KIAA0825: variants seen among roughly 807,000 people sequenced by gnomAD.
The protein encoded by KIAA0825 is KIAA0825, also known as uncharacterized protein KIAA0825.
Under a neutral mutation model 147.6 loss-of-function variants are expected in KIAA0825, and 119 were observed. The observed-to-expected ratio is 0.81, with a 90% confidence interval of 0.69 to 0.94. The LOEUF is 0.94. Among genes scored for constraint, KIAA0825 ranks in the 40% least tolerant of loss-of-function variants. The pLI is 0.00. For missense variants in KIAA0825, 1,381 were observed against 1,472.7 expected (o/e 0.94, Z 1.02); for synonymous variants, 470 against 518.1 (o/e 0.91, Z 1.26).
At chr5:94,594,851 A>T in intron 1 of KIAA0825, 1 of 347,176 alleles carries the variant, frequency 2.9e-6, no homozygotes, top group South Asian at 2.7e-5. Context: ...ATTTTAATTA[A>T]GTGGCCTGAC....
intron 2 of KIAA0825, among the ~76,000 whole-genome samples, chr5:94,555,150 ATAT>A (rs1460669996): frequency 6.6e-6 from 1 of 152,124 alleles, no homozygotes; most frequent in Admixed American, 6.6e-5. Flanking sequence ...CTTACTTGTA[ATAT>A]TTTAGGGTTG....
At chr5:94,176,185 C>T (rs1203224947) in intron 20 of KIAA0825, among the ~76,000 whole-genome samples, 1 of 152,038 alleles carries the variant, frequency 6.6e-6, no homozygotes, top group Non-Finnish European at 1.5e-5. Flanking sequence ...TGAGTTCTCA[C>T]TCTCATTAGA....
chr5:94,401,606 C>T (rs1259941211), intron 16 of KIAA0825, among the ~76,000 whole-genome samples: 1 of 152,118 alleles, frequency 6.6e-6, no homozygotes, highest in African/African-American at 2.4e-5. Context: ...ATACTGTCCT[C>T]AACACACACT....
chr5:94,356,212 A>AT (rs1784232371), intron 20 of KIAA0825, among the ~76,000 whole-genome samples: 1 of 152,186 alleles, frequency 6.6e-6, no homozygotes, highest in East Asian at 1.9e-4. Flanking sequence ...TATATAAATC[A>AT]TTTGGTCTTA....
intron 20 of KIAA0825, among the ~76,000 whole-genome samples, chr5:94,192,046 A>G (rs941743563): frequency 8.5e-5 from 13 of 152,238 alleles, no homozygotes; most frequent in Admixed American, 2.6e-4. Flanking sequence ...AAAGAATAAG[A>G]TTTGCAGCTT....
chr5:94,586,778 A>G lies in KIAA0825; in HGVS notation c.-152-4195T>C, dbSNP rs533027386. The stretch of plus-strand genomic sequence containing the variant: ...AGACCAATATCCCTGATGAACATCA[A>G]TGCAAAAATCCTCAATAAAAAACTG... On this transcript the variant is annotated intron_variant, in intron 1 of 20. Transcript: ENST00000682413. Among the ~76,000 whole-genome samples the G allele has an allele frequency of 5.7e-4, 87 of 152,366 alleles. 1 individual carries two copies. Among genetic ancestry groups the G allele is most frequent in the African/African-American group, 1.7e-3 (71 of 41,588 alleles).
At chr5:94,159,086 T>C (rs149838507) in intron 20 of KIAA0825, among the ~76,000 whole-genome samples, 125 of 152,308 alleles carry the variant, frequency 8.2e-4, no homozygotes, top group African/African-American at 2.9e-3. Context: ...GACTCTGTGG[T>C]TCTCTTGTCC....
Position 94,396,515 on chromosome 5 carries a change from G to A in KIAA0825, c.2888-6C>T. On this transcript the variant is annotated splice_region_variant and splice_polypyrimidine_tract_variant and intron_variant, in intron 16 of 20. Coordinates refer to ENST00000682413, the MANE Select transcript of KIAA0825 (RefSeq NM_001145678.3). ...AGCAGTAAGCCTTGTGAAGCCTGGG[G>A]AAGAAAAGAAAAGGTATGATTAATA... The A allele has an allele frequency of 6.8e-7, 1 of 1,469,500 alleles. No individual in the cohort carries two copies. The highest frequency in any genetic ancestry group is 9.0e-7 in the Non-Finnish European group (1 of 1,111,728). 91.0% of individuals were successfully genotyped at this position (1,469,500 alleles called of 1,614,324 possible).
chr5:94,389,833 G>T (rs1433459123), intron 18 of KIAA0825, among the ~76,000 whole-genome samples: 3 of 152,150 alleles, frequency 2.0e-5, no homozygotes, highest in Non-Finnish European at 4.4e-5. Flanking sequence ...CAAGGCAAAG[G>T]TACCTTTCTT....
At chr5:94,440,512 A>G (rs1215804436) in intron 13 of KIAA0825, among the ~76,000 whole-genome samples, 1 of 152,180 alleles carries the variant, frequency 6.6e-6, no homozygotes. Flanking sequence ...ATTGATTGAA[A>G]GAAGTTCTGA....
At chr5:94,474,814 A>G (rs1174235187) in intron 7 of KIAA0825, among the ~76,000 whole-genome samples, 13 of 152,182 alleles carry the variant, frequency 8.5e-5, no homozygotes, top group Non-Finnish European at 1.9e-4. Context: ...CATAAAATTC[A>G]TCAAAAATCA....
rs150467612 is a variant in KIAA0825 at position 94,389,357 on chromosome 5, C to A, written c.3456+2178G>T. Among the ~76,000 whole-genome samples the A allele has an allele frequency of 2.6e-5, 4 of 152,330 alleles. No individual in the cohort carries two copies. In the East Asian group the frequency reaches 7.7e-4, roughly 29 times the overall value. On this transcript the variant is annotated intron_variant, in intron 18 of 20. Coordinates refer to ENST00000682413, the MANE Select transcript of KIAA0825 (RefSeq NM_001145678.3). ...CCTGTATGTAAGCTCCCAGTAAAAC[C>A]CCATGTCTTGTGGGCCAGCTCTGGG...
chr5:94,557,084 G>A (rs568443245), intron 2 of KIAA0825, among the ~76,000 whole-genome samples: 2 of 151,996 alleles, frequency 1.3e-5, no homozygotes. Context: ...TTGGGTAGCT[G>A]GCCAGATCAC....
intron 20 of KIAA0825, among the ~76,000 whole-genome samples, chr5:94,377,432 A>G (rs9314108): frequency 0.011 from 1,740 of 152,338 alleles, 30 homozygotes; most frequent in African/African-American, 0.039. Context: ...AAAGAAAACA[A>G]TATCAAAATG....
At chr5:94,338,948 TTAAA>T (rs1274954831) in intron 20 of KIAA0825, among the ~76,000 whole-genome samples, 2 of 152,178 alleles carry the variant, frequency 1.3e-5, no homozygotes, top group Admixed American at 6.5e-5. Flanking sequence ...TAACAGATTA[TTAAA>T]TAAATAAATA....
chr5:94,155,213 CTTT>C (rs67704311), intron 20 of KIAA0825, among the ~76,000 whole-genome samples: 1 of 119,044 alleles, frequency 8.4e-6, no homozygotes, highest in African/African-American at 3.1e-5. Flanking sequence ...TATTTTCTTT[CTTT>C]TTTTTTTTTT....
chr5:94,299,317 A>G (rs1356036061), intron 20 of KIAA0825, among the ~76,000 whole-genome samples: 4 of 152,016 alleles, frequency 2.6e-5, no homozygotes, highest in African/African-American at 9.7e-5. Flanking sequence ...CCTGGGCTCA[A>G]GCAATCCTTC....
intron 20 of KIAA0825, among the ~76,000 whole-genome samples, chr5:94,227,681 A>G (rs544735362): frequency 6.6e-6 from 1 of 152,216 alleles, no homozygotes; most frequent in Non-Finnish European, 1.5e-5. Context: ...AGGGACATGG[A>G]TGAAGCTGGA....
chr5:94,178,002 T>C (rs1769263211), intron 20 of KIAA0825, among the ~76,000 whole-genome samples: 1 of 152,110 alleles, frequency 6.6e-6, no homozygotes, highest in Non-Finnish European at 1.5e-5. Flanking sequence ...AAGTCTTCCA[T>C]ATTTCAATAA....
Sources: gnomAD v4.1 joint callset for allele counts (sites outside exome capture counted in the v4.1 genomes callset) on GRCh38, gnomAD v4.1.1 for gene constraint, MANE v1.5 for transcripts, NCBI Gene and HGNC (gene_info 2026-07-23, HGNC 2026-07-21) for gene names.